The following DISC1 variants were observed in gnomAD, a reference collection of about 807,000 sequenced individuals.
DISC1 encodes the protein DISC1 scaffold protein, also known as disrupted in schizophrenia 1 protein.
In DISC1, 57 loss-of-function variants were observed where a neutral mutation model predicts 84.5. The ratio of observed to expected loss-of-function variants is 0.67; its 90% CI spans 0.55 to 0.84. The LOEUF (loss-of-function observed/expected upper bound fraction) is 0.84. Among genes scored for constraint, DISC1 ranks in the 40% least tolerant of loss-of-function variants. DISC1 has a pLI of 0.00. For synonymous variants in DISC1, 411 were observed against 415.2 expected (o/e 0.99, Z 0.12); for missense variants, 1,000 against 1,057.8 (o/e 0.95, Z 0.76).
chr1:232,019,362 A>C (rs898334179), intron 11 of DISC1, among the ~76,000 whole-genome samples: 23 of 152,228 alleles, frequency 1.5e-4, no homozygotes, highest in Non-Finnish European at 2.4e-4. Flanking sequence ...AAGGAAAAAA[A>C]TAATAATTTG....
intron 10 of DISC1, among the ~76,000 whole-genome samples, chr1:231,979,553 C>G (rs1215619919): frequency 2.0e-5 from 3 of 151,034 alleles, no homozygotes; most frequent in African/African-American, 7.3e-5. Flanking sequence ...TATTTATTTT[C>G]TCTTATGCTG....
At chr1:231,814,022 T>C (rs2080618445) in intron 8 of DISC1, among the ~76,000 whole-genome samples, 1 of 152,178 alleles carries the variant, frequency 6.6e-6, no homozygotes, top group South Asian at 2.1e-4. Context: ...CTTTATCCAA[T>C]CATGGCATTG....
chr1:231,705,291 CAAAAAA>C (rs35677987), intron 3 of DISC1, among the ~76,000 whole-genome samples: 1 of 11,050 alleles, frequency 9.0e-5, no homozygotes, highest in Non-Finnish European at 1.5e-4. Flanking sequence ...GACTCCATCT[CAAAAAA>C]AAAAAAAAAA....
intron 1 of DISC1, chr1:231,670,797 C>G (rs1353542487): frequency 1.3e-5 from 2 of 152,154 alleles, no homozygotes; most frequent in African/African-American, 4.8e-5. Flanking sequence ...CCTGCCATTC[C>G]CAAGTCCATT....
intron 6 of DISC1, among the ~76,000 whole-genome samples, chr1:231,783,419 C>A (rs1351892774): frequency 6.6e-6 from 1 of 152,064 alleles, no homozygotes; most frequent in Admixed American, 6.6e-5. Flanking sequence ...TTTCTGATTC[C>A]TGTTCTCATT....
intron 6 of DISC1, 28 bp downstream of exon 6, chr1:231,771,098 G>T: frequency 6.5e-7 from 1 of 1,547,390 alleles, no homozygotes; most frequent in Non-Finnish European, 8.8e-7. Flanking sequence ...ACTGATTTTG[G>T]GTCGCTCGCC....
At chr1:231,784,600 A>C (rs1189649134) in intron 6 of DISC1, among the ~76,000 whole-genome samples, 1 of 152,224 alleles carries the variant, frequency 6.6e-6, no homozygotes, top group Non-Finnish European at 1.5e-5. Flanking sequence ...TTACTCTAAA[A>C]TATTTTCTTA....
At chr1:231,821,004 A>T (rs140468616) in intron 9 of DISC1, among the ~76,000 whole-genome samples, 1 of 152,356 alleles carries the variant, frequency 6.6e-6, no homozygotes, top group East Asian at 1.9e-4. Context: ...AATTTGCTGC[A>T]TGCATCACTT....
intron 10 of DISC1, among the ~76,000 whole-genome samples, chr1:232,007,977 C>A (rs1057013344): frequency 3.9e-5 from 6 of 152,164 alleles, no homozygotes; most frequent in African/African-American, 9.7e-5. Context: ...GCGTTCTGCA[C>A]TTCTCCTTCC....
At chr1:231,759,332 A>G (rs1310025229) in intron 4 of DISC1, among the ~76,000 whole-genome samples, 1 of 152,140 alleles carries the variant, frequency 6.6e-6, no homozygotes, top group Non-Finnish European at 1.5e-5. Context: ...AGACCAGAAA[A>G]TAACTGTTAC....
intron 9 of DISC1, among the ~76,000 whole-genome samples, chr1:231,880,124 T>C (rs1339232444): frequency 6.6e-6 from 1 of 152,190 alleles, no homozygotes; most frequent in African/African-American, 2.4e-5. Flanking sequence ...AATGAGCTAA[T>C]GGGTTATCCT....
chr1:231,728,364 C>T (rs566685267), intron 3 of DISC1, among the ~76,000 whole-genome samples: 4 of 152,232 alleles, frequency 2.6e-5, no homozygotes, highest in South Asian at 2.1e-4. Flanking sequence ...GGTAGATGTT[C>T]GGGAGGCAGC....
chr1:232,020,219 G>C (rs1428268824), intron 11 of DISC1, among the ~76,000 whole-genome samples: 1 of 152,086 alleles, frequency 6.6e-6, no homozygotes, highest in East Asian at 1.9e-4. Context: ...GTGCATGCCT[G>C]TAATCCCAGC....
chr1:231,960,899 C>T (rs1238883599), intron 10 of DISC1, among the ~76,000 whole-genome samples: 1 of 152,222 alleles, frequency 6.6e-6, no homozygotes, highest in Admixed American at 6.5e-5. Flanking sequence ...CCATGATCCC[C>T]TCCTTGGGTT....
At chr1:232,006,182 C>A (rs1306463755) in intron 10 of DISC1, among the ~76,000 whole-genome samples, 5 of 152,134 alleles carry the variant, frequency 3.3e-5, no homozygotes, top group Non-Finnish European at 1.5e-5. Context: ...TATTTGAGTT[C>A]ATGATCCATG....
At chr1:231,645,696 T>C (rs927250560) in intron 1 of DISC1, among the ~76,000 whole-genome samples, 3 of 152,030 alleles carry the variant, frequency 2.0e-5, no homozygotes, top group Non-Finnish European at 4.4e-5. Context: ...CAGTGTGCGA[T>C]GTTCCCTGTC....
At position 232,037,450 on chromosome 1, in the gene DISC1, A is replaced by G. The variant is rs1426062710; in HGVS notation, c.*619A>G. 1 of 152,192 alleles carries G rather than the reference A, an allele frequency of 6.6e-6. No individual in the cohort carries two copies. Among genetic ancestry groups the G allele is most frequent in the African/African-American group, 2.4e-5 (1 of 41,444 alleles). The allele number at this position is 152,192 out of a possible 1,614,324, so 9.4% of individuals were successfully genotyped here. On this transcript the variant is annotated 3_prime_UTR_variant, in exon 13 of 13. Transcript: ENST00000439617. ...CCTCCCAGTGATATGCCACCTTTCA[A>G]TTTTCCTTTTGTGGCAATGATTGCA...
At chr1:231,803,407 G>A (rs759397103) in intron 8 of DISC1, among the ~76,000 whole-genome samples, 5 of 152,152 alleles carry the variant, frequency 3.3e-5, no homozygotes, top group Admixed American at 6.6e-5. Flanking sequence ...TGAGAGACAG[G>A]AGTCCAGAGT....
chr1:231,850,951 T>C (rs1051052856), intron 9 of DISC1, among the ~76,000 whole-genome samples: 1 of 152,190 alleles, frequency 6.6e-6, no homozygotes, highest in Non-Finnish European at 1.5e-5. Flanking sequence ...CCTAGTCATC[T>C]CAGACACTCT....
Sources: gnomAD v4.1 joint callset for allele counts (sites outside exome capture counted in the v4.1 genomes callset) on GRCh38, gnomAD v4.1.1 for gene constraint, MANE v1.5 for transcripts, NCBI Gene and HGNC (gene_info 2026-07-23, HGNC 2026-07-21) for gene names.